Variants in GLI2 observed in about 807,000 individuals in gnomAD.
GLI2 encodes the protein transcription activator GLI2.
In GLI2, 22 loss-of-function variants were observed where a neutral mutation model predicts 78.9. That is an observed-to-expected ratio of 0.28 (90% confidence interval 0.20 to 0.40). GLI2 has a LOEUF of 0.40. Among genes scored for constraint, GLI2 ranks in the 10% least tolerant of loss-of-function variants. GLI2 has a pLI of 1.00. For missense variants in GLI2, 2,097 were observed against 2,213.2 expected (o/e 0.95, Z 1.05); for synonymous variants, 974 against 963.7 (o/e 1.01, Z -0.20).
At chr2:120,759,749 G>A (rs994697696) in intron 1 of GLI2, among the ~76,000 whole-genome samples, 5 of 152,124 alleles carry the variant, frequency 3.3e-5, no homozygotes, top group Admixed American at 6.5e-5. Context: ...CCCCGCCCCC[G>A]AGGTTGGAGG....
At chr2:120,878,288 T>C (rs117977145) in intron 2 of GLI2, among the ~76,000 whole-genome samples, 1 of 152,334 alleles carries the variant, frequency 6.6e-6, no homozygotes, top group East Asian at 1.9e-4. Flanking sequence ...CCGTCAAATG[T>C]ATTAGTTATT....
At chr2:120,836,478 T>A (rs749024455) in intron 2 of GLI2, among the ~76,000 whole-genome samples, 5 of 152,224 alleles carry the variant, frequency 3.3e-5, no homozygotes, top group Non-Finnish European at 7.3e-5. Context: ...TCCTCGCCTG[T>A]TGAGGTAATT....
At chr2:120,739,163 G>A (rs1682454073) in intron 1 of GLI2, among the ~76,000 whole-genome samples, 1 of 152,172 alleles carries the variant, frequency 6.6e-6, no homozygotes, top group Admixed American at 6.5e-5. Context: ...ACTCCCACAA[G>A]TGCCCTGTAC....
chr2:120,742,001 C>A (rs530571142), intron 1 of GLI2, among the ~76,000 whole-genome samples: 3 of 152,360 alleles, frequency 2.0e-5, no homozygotes, highest in East Asian at 3.9e-4. Flanking sequence ...TCCTCGACCC[C>A]GTTTCCCATT....
At chr2:120,754,589 A>G (rs1682982442) in intron 1 of GLI2, among the ~76,000 whole-genome samples, 1 of 152,204 alleles carries the variant, frequency 6.6e-6, no homozygotes, top group South Asian at 2.1e-4. Flanking sequence ...TGCTGCACGT[A>G]TCAATAGTTT....
At chr2:120,842,666 G>A (rs1033792613) in intron 2 of GLI2, among the ~76,000 whole-genome samples, 13 of 152,216 alleles carry the variant, frequency 8.5e-5, no homozygotes, top group East Asian at 1.9e-4. Flanking sequence ...CCCACATGGC[G>A]TGGGCTGGCC....
At chr2:120,791,546 T>C (rs905021455) in intron 1 of GLI2, among the ~76,000 whole-genome samples, 3 of 152,254 alleles carry the variant, frequency 2.0e-5, no homozygotes, top group Non-Finnish European at 4.4e-5. Flanking sequence ...CTGGGAAATT[T>C]CACTTTTTAT....
intron 1 of GLI2, among the ~76,000 whole-genome samples, chr2:120,763,765 G>C (rs538739866): frequency 6.6e-6 from 1 of 152,244 alleles, no homozygotes; most frequent in South Asian, 2.1e-4. Context: ...GGACCGCTTT[G>C]CTGAAGGGGC....
chr2:120,824,867 G>C (rs1207667899), intron 2 of GLI2, among the ~76,000 whole-genome samples: 4 of 152,094 alleles, frequency 2.6e-5, no homozygotes, highest in Non-Finnish European at 5.9e-5. Flanking sequence ...ACAGGTTATC[G>C]CTCAGTTGCT....
Position 120,982,809 on chromosome 2 carries a change from G to C in GLI2, c.1561G>C (p.Glu521Gln). The C allele has an allele frequency of 6.2e-7, 1 of 1,614,150 alleles. No homozygotes were observed. Among genetic ancestry groups the C allele is most frequent in the Non-Finnish European group, 8.5e-7 (1 of 1,180,004 alleles). Residue 521 changes from glutamate to glutamine, a missense_variant, in exon 11 of 14, where the codon GAG (glutamate) becomes CAG (glutamine). Physicochemically the swap from Glu to Gln is conservative, Grantham distance 29. This residue lies in a region of GLI2 where 104 missense variants were observed against 190.6 expected (regional missense o/e 0.55). Coordinates refer to ENST00000361492, the MANE Select transcript of GLI2 (RefSeq NM_001374353.1). ...GGAGAAGCCATATGTGTGTGAGCACGAGGGCTGCAACAAAGCCTTCTCCAA... is the reference window on the plus strand; with the variant it reads ...GGAGAAGCCATATGTGTGTGAGCACCAGGGCTGCAACAAAGCCTTCTCCAA... ...TGEKPYVCEH[E>Q]GCNKAFSNAS...
intron 3 of GLI2, among the ~76,000 whole-genome samples, chr2:120,943,960 C>T (rs981329967): frequency 6.6e-6 from 1 of 152,166 alleles, no homozygotes; most frequent in Non-Finnish European, 1.5e-5. Flanking sequence ...TTGGCTCAGG[C>T]GGTGCTCAGG....
chr2:120,978,641 C>CG, intron 10 of GLI2, 58 bp downstream of exon 10: 3 of 1,582,794 alleles, frequency 1.9e-6, no homozygotes, highest in South Asian at 1.1e-5. Context: ...TCAGCCAGGC[C>CG]GGGGGGATCA....
chr2:120,954,358 C>T (rs941034692), intron 4 of GLI2, among the ~76,000 whole-genome samples: 25 of 152,150 alleles, frequency 1.6e-4, no homozygotes, highest in Admixed American at 2.6e-4. Flanking sequence ...AGGCTGTGGG[C>T]GATCAGCCTG....
At chr2:120,846,895 C>T (rs1025121809) in intron 2 of GLI2, among the ~76,000 whole-genome samples, 3 of 152,262 alleles carry the variant, frequency 2.0e-5, no homozygotes, top group African/African-American at 7.2e-5. Flanking sequence ...AGGCCTTGCA[C>T]AGCGCGGGCA....
intron 2 of GLI2, among the ~76,000 whole-genome samples, chr2:120,914,922 C>T (rs1211914884): frequency 1.3e-5 from 2 of 152,230 alleles, no homozygotes; most frequent in African/African-American, 4.8e-5. Flanking sequence ...GACACTATGC[C>T]GCCTCTTGTG....
intron 2 of GLI2, among the ~76,000 whole-genome samples, chr2:120,872,975 C>T (rs1688546509): frequency 1.3e-5 from 2 of 152,202 alleles, no homozygotes; most frequent in Non-Finnish European, 2.9e-5. Context: ...CAGTGTACCA[C>T]CCAGGGAGAG....
intron 2 of GLI2, among the ~76,000 whole-genome samples, chr2:120,870,221 A>C (rs1335846004): frequency 6.6e-6 from 1 of 152,118 alleles, no homozygotes; most frequent in African/African-American, 2.4e-5. Flanking sequence ...TCAGACCATG[A>C]GTGTTCATCA....
At chr2:120,771,623 A>T (rs1683525644) in intron 1 of GLI2, among the ~76,000 whole-genome samples, 2 of 152,190 alleles carry the variant, frequency 1.3e-5, no homozygotes, top group African/African-American at 4.8e-5. Flanking sequence ...GGAGGCTGTG[A>T]GTCATTGGGC....
In GLI2 at chr2:120,974,987, G is replaced by C. The variant is rs766171973; in HGVS notation, c.1195G>C (p.Asp399His). The C allele has an allele frequency of 6.2e-7, 1 of 1,614,214 alleles. No homozygotes were observed. The highest frequency in any genetic ancestry group is 1.1e-5 in the South Asian group (1 of 91,090). Residue 399 changes from aspartate (D) to histidine (H), a missense_variant, in exon 9 of 14, where the codon GAC (aspartate) becomes CAC (histidine). Asp to His is a moderately conservative substitution (Grantham distance 81). This residue lies in a region of GLI2 where 578 missense variants were observed against 612.0 expected (regional missense o/e 0.94). Coordinates refer to ENST00000361492, the MANE Select transcript of GLI2 (RefSeq NM_001374353.1). ...TCCCCTCTCCCAGGAGCAGCTGGCT[G>C]ACCTCAAGGAAGATCTGGACAGGGA... ...PLALTQEQLADLKEDLDRDDC... is the reference protein window; with the variant it reads ...PLALTQEQLAHLKEDLDRDDC...
Sources: allele counts gnomAD v4.1 joint callset (sites outside exome capture counted in the v4.1 genomes callset), GRCh38; gene constraint gnomAD v4.1.1; regional missense constraint gnomAD v4.1.1; transcripts MANE v1.5; gene names NCBI Gene and HGNC (gene_info 2026-07-23, HGNC 2026-07-21).